Variants in LAMA1 observed in about 807,000 individuals in gnomAD.
The protein encoded by LAMA1 is laminin subunit alpha 1.
A neutral mutation model predicts 348.7 loss-of-function variants in LAMA1; 219 were observed. That is an observed-to-expected ratio of 0.63 (90% CI 0.56 to 0.70). The LOEUF (loss-of-function observed/expected upper bound fraction) is 0.70. Among genes scored for constraint, LAMA1 ranks in the 30% least tolerant of loss-of-function variants. The pLI, the probability that LAMA1 is intolerant of heterozygous loss-of-function variation, is 0.00. For missense variants in LAMA1, 3,744 were observed against 3,888.0 expected, an observed-to-expected ratio of 0.96 and a Z score of 0.99; for synonymous variants, 1,487 against 1,491.0, an observed-to-expected ratio of 1.00 and a Z score of 0.06.
chr18:7,097,916 G>T (rs2058269133), intron 1 of LAMA1, among the ~76,000 whole-genome samples: 1 of 150,826 alleles, frequency 6.6e-6, no homozygotes, highest in South Asian at 2.1e-4. Context: ...CTGAGCCGAA[G>T]CTGGACTGCA....
intron 1 of LAMA1, among the ~76,000 whole-genome samples, chr18:7,117,360 T>C (rs1326335860): frequency 4.6e-5 from 7 of 150,972 alleles, no homozygotes; most frequent in Middle Eastern, 3.5e-3. Flanking sequence ...CTCGCGTAGA[T>C]GGCGCTCCTG....
At chr18:7,060,720 A>G (rs1210175195) in intron 3 of LAMA1, among the ~76,000 whole-genome samples, 1 of 152,200 alleles carries the variant, frequency 6.6e-6, no homozygotes, top group African/African-American at 2.4e-5. Flanking sequence ...GATAGGAAAG[A>G]AATACTTCAA....
rs777388554 is a variant in LAMA1 at position 6,980,603 on chromosome 18, C to T, written c.5925G>A (p.Lys1975=). The T allele has an allele frequency of 6.2e-7, 1 of 1,612,940 alleles. No homozygotes were observed. Among genetic ancestry groups the T allele is most frequent in the African/African-American group, 1.3e-5 (1 of 74,892 alleles). The change falls in exon 42 of 63, where the codon AAG becomes AAA. Residue 1975 remains lysine (K), a synonymous_variant. Coordinates refer to ENST00000389658, the MANE Select transcript of LAMA1 (RefSeq NM_005559.4). The part of the protein sequence containing the change: ...IALELSELRN[K]TNRFQENAVE... ...CAGCATTCTCTTGAAATCTGTTTGT[C>T]TTATTTCTCAATTCACTCAGTTCCA...
intron 1 of LAMA1, among the ~76,000 whole-genome samples, chr18:7,085,644 T>C (rs1292719520): frequency 9.2e-5 from 14 of 152,098 alleles, no homozygotes; most frequent in Non-Finnish European, 1.9e-4. Context: ...GGTCTCGATC[T>C]CCTGACTTCC....
chr18:6,999,820 T>C (rs1297924863), intron 31 of LAMA1, 91 bp downstream of exon 31: 7 of 1,310,154 alleles, frequency 5.3e-6, no homozygotes, highest in Non-Finnish European at 6.6e-6. Context: ...TAATTGATAA[T>C]GGCTCCCAGA....
chr18:7,038,859 C>T lies in LAMA1; in HGVS notation c.1514G>A (p.Cys505Tyr). ...KNPRGCSECF[C>Y]FGVSDVCSSL... is the part of the protein sequence containing the mutation. Reference sequence around the variant, plus strand: ...GCTGCAGACATCAGAAACGCCAAAGCAGAAGCACTCGGAGCAGCCCCGGGG... The same window carrying T: ...GCTGCAGACATCAGAAACGCCAAAGTAGAAGCACTCGGAGCAGCCCCGGGG... Residue 505 changes from cysteine to tyrosine, a missense_variant, in exon 11 of 63, where the codon TGC (cysteine) becomes TAC (tyrosine). By Grantham distance (194) the Cys-to-Tyr change is radical. Coordinates refer to ENST00000389658, the MANE Select transcript of LAMA1 (RefSeq NM_005559.4). 6.2e-7 allele frequency: 1 copy of T among 1,614,212 alleles called. No homozygotes were observed. Among genetic ancestry groups the T allele is most frequent in the East Asian group, 2.2e-5 (1 of 44,878 alleles).
intron 1 of LAMA1, among the ~76,000 whole-genome samples, chr18:7,091,094 T>A (rs561640046): frequency 6.6e-6 from 1 of 152,356 alleles, no homozygotes; most frequent in Admixed American, 6.5e-5. Flanking sequence ...ATTCAATGAC[T>A]CTGTGATTTT....
chr18:7,038,534 A>C, intron 11 of LAMA1: 1 of 488,890 alleles, frequency 2.0e-6, no homozygotes, highest in South Asian at 2.0e-5. Flanking sequence ...CTCCCCACCC[A>C]ATCCATTTCC....
intron 60 of LAMA1, among the ~76,000 whole-genome samples, chr18:6,947,653 C>T (rs552551971): frequency 1.3e-4 from 20 of 152,236 alleles, no homozygotes; most frequent in Admixed American, 1.1e-3. Context: ...TATCATCATC[C>T]GAGAATAGTC....
chr18:7,040,292 GGGGTT>G, intron 9 of LAMA1, 56 bp from the exon 10 acceptor site: 1 of 1,586,338 alleles, frequency 6.3e-7, no homozygotes, highest in Non-Finnish European at 8.6e-7. Context: ...GTTTAAAGCA[GGGGTT>G]GGCAAATGTT....
At chr18:7,067,543 G>A (rs1456356355) in intron 3 of LAMA1, among the ~76,000 whole-genome samples, 1 of 152,062 alleles carries the variant, frequency 6.6e-6, no homozygotes, top group Non-Finnish European at 1.5e-5. Flanking sequence ...GGAATTGGCT[G>A]GGAAGGGGGT....
chr18:7,032,204 T>G, intron 15 of LAMA1, 28 bp from the exon 16 acceptor site: 2 of 1,469,440 alleles, frequency 1.4e-6, no homozygotes, highest in Non-Finnish European at 1.9e-6. Flanking sequence ...GTCATCCTCT[T>G]TCCACTACGT....
chr18:7,073,445 G>A (rs966302663), intron 3 of LAMA1, among the ~76,000 whole-genome samples: 14 of 151,964 alleles, frequency 9.2e-5, no homozygotes, highest in African/African-American at 2.9e-4. Flanking sequence ...CAACCACCCC[G>A]CTCCACTTTC....
intron 30 of LAMA1, among the ~76,000 whole-genome samples, chr18:7,000,573 A>G (rs2057803409): frequency 6.6e-6 from 1 of 152,218 alleles, no homozygotes. Flanking sequence ...TCAAAGTTTA[A>G]TCATCGACTG....
chr18:7,080,261 T>G lies in LAMA1; in HGVS notation c.232+26A>C, dbSNP rs752557454. Reference sequence around the variant, plus strand: ...ACAAAGTGTACATTCCCATGGGAATTTCAGAAATAAAGGCGCGACACTTGC... The same window carrying G: ...ACAAAGTGTACATTCCCATGGGAATGTCAGAAATAAAGGCGCGACACTTGC... On this transcript the variant is annotated intron_variant, in intron 2 of 62. Transcript: ENST00000389658. 3.1e-5 allele frequency: 50 copies of G among 1,613,696 alleles called. No individual in the cohort carries two copies. In the East Asian group the frequency reaches 1.1e-3, roughly 36 times the overall value.
rs771213502 is a variant in LAMA1, at chr18:7,016,593, A to G, written c.2887T>C (p.Cys963Arg). 2 of 1,614,196 alleles carry G rather than the reference A, an allele frequency of 1.2e-6. No individual in the cohort carries two copies. Among genetic ancestry groups the G allele is most frequent in the East Asian group, 2.2e-5 (1 of 44,880 alleles). Residue 963 changes from cysteine to arginine, a missense_variant, in exon 21 of 63, where the codon TGC (cysteine) becomes CGC (arginine). Around this residue, in one of 3 missense-constraint regions of LAMA1, gnomAD observed 1,529 missense variants for 1,689.4 expected, o/e 0.91. Transcript: ENST00000389658. ...CAGTGACACTGGCCTTCATCCGTGC[A>G]GCCATCTGACACGGAGCCTGCCACG... ...CSVAGSVSDG[C>R]TDEGQCHCVP...
intron 44 of LAMA1, among the ~76,000 whole-genome samples, chr18:6,977,114 T>G (rs1244831440): frequency 6.6e-6 from 1 of 152,214 alleles, no homozygotes; most frequent in Non-Finnish European, 1.5e-5. Flanking sequence ...ACATGACGAC[T>G]GCACATTCTC....
chr18:7,107,124 T>TTC (rs1211240340), intron 1 of LAMA1, among the ~76,000 whole-genome samples: 70 of 150,582 alleles, frequency 4.6e-4, no homozygotes, highest in African/African-American at 1.6e-3. Context: ...AAAACTCCTT[T>TTC]TTTTTTTTTT....
At position 7,087,409 on chromosome 18, in the gene LAMA1, C is replaced by G. The variant is rs143901441; in HGVS notation, c.62-6952G>C. The stretch of plus-strand genomic sequence containing the variant: ...TGGAAGAGAAACAGATGATGCTCCA[C>G]GCCATCTTGGCTCAGGAAGCCAGAG... On this transcript the variant is annotated intron_variant, in intron 1 of 62. Coordinates refer to ENST00000389658, the MANE Select transcript of LAMA1 (RefSeq NM_005559.4). 4.9e-3 allele frequency among the ~76,000 whole-genome samples: 749 copies of G among 152,298 alleles called. 15 individuals are homozygous for G. Among genetic ancestry groups the G allele is most frequent in the African/African-American group, 0.017 (720 of 41,546 alleles).
Sources: allele counts gnomAD v4.1 joint callset (sites outside exome capture counted in the v4.1 genomes callset), GRCh38; gene constraint gnomAD v4.1.1; regional missense constraint gnomAD v4.1.1; transcripts MANE v1.5; gene names NCBI Gene and HGNC (gene_info 2026-07-23, HGNC 2026-07-21).